NRIP1: variants seen among roughly 807,000 people sequenced by gnomAD.
NRIP1 encodes nuclear receptor interacting protein 1.
Under a neutral mutation model 75.0 loss-of-function variants are expected in NRIP1, and 28 were observed. That is an observed-to-expected ratio of 0.37 (90% CI 0.28 to 0.51). NRIP1 has a LOEUF of 0.51. Among genes scored for constraint, NRIP1 ranks in the 20% least tolerant of loss-of-function variants. The pLI, the probability that NRIP1 is intolerant of heterozygous loss-of-function variation, is 0.92. For missense variants in NRIP1, 1,435 were observed against 1,343.7 expected (o/e 1.07, Z -1.06); for synonymous variants, 526 against 487.6 (o/e 1.08, Z -1.04).
chr21:15,019,879 C>T lies in NRIP1; in HGVS notation c.-457-5413G>A, dbSNP rs112617436. 2.1e-3 allele frequency among the ~76,000 whole-genome samples: 325 copies of T among 152,114 alleles called. 2 individuals are homozygous for T. The highest frequency in any genetic ancestry group is 7.4e-3 in the African/African-American group (306 of 41,496). On this transcript the variant is annotated intron_variant, in intron 2 of 3. Coordinates refer to ENST00000318948, the MANE Select transcript of NRIP1 (RefSeq NM_003489.4). The stretch of plus-strand genomic sequence containing the variant: ...TGGTTTGTTGCCAGTATATAAGAAA[C>T]GCAGCCAGGCACGGTGGCTCACGCC...
intron 2 of NRIP1, among the ~76,000 whole-genome samples, chr21:15,033,050 C>G (rs1341260603): frequency 6.6e-6 from 1 of 151,780 alleles, no homozygotes; most frequent in Non-Finnish European, 1.5e-5. Flanking sequence ...ATGGTGAAAC[C>G]CTGTTTCTAC....
intron 3 of NRIP1, among the ~76,000 whole-genome samples, chr21:15,004,157 TCA>T (rs1183980017): frequency 6.6e-6 from 1 of 152,336 alleles, no homozygotes; most frequent in South Asian, 2.1e-4. Context: ...TAACTTGTTT[TCA>T]CACAGTCCAA....
intron 3 of NRIP1, among the ~76,000 whole-genome samples, chr21:14,999,378 A>C (rs1313646445): frequency 6.6e-6 from 1 of 152,140 alleles, no homozygotes; most frequent in Non-Finnish European, 1.5e-5. Flanking sequence ...TACTGAGTCC[A>C]CATCCATAGG....
At chr21:15,022,699 TAC>T (rs1402606956) in intron 2 of NRIP1, among the ~76,000 whole-genome samples, 2 of 152,190 alleles carry the variant, frequency 1.3e-5, no homozygotes, top group Non-Finnish European at 2.9e-5. Context: ...ACCTTCTTCA[TAC>T]ACTACTGGTG....
At chr21:14,991,925 C>T (rs1046015220) in intron 3 of NRIP1, among the ~76,000 whole-genome samples, 3 of 152,182 alleles carry the variant, frequency 2.0e-5, no homozygotes, top group Non-Finnish European at 2.9e-5. Flanking sequence ...GAAACCTCAT[C>T]CAGAATTAAA....
intron 1 of NRIP1, among the ~76,000 whole-genome samples, chr21:15,048,833 G>C (rs2089142707): frequency 6.6e-6 from 1 of 152,186 alleles, no homozygotes; most frequent in South Asian, 2.1e-4. Context: ...TAGAATGTGT[G>C]TAATTTACCA....
rs61755058 is a variant in NRIP1 at position 14,966,122 on chromosome 21, G to T, written c.2071C>A (p.Pro691Thr). Residue 691 changes from proline (P) to threonine (T), a missense_variant, in exon 4 of 4, where the codon CCA becomes ACA. Pro to Thr is a conservative substitution (Grantham distance 38). Transcript: ENST00000318948. ...VEENKAFSSQ[P>T]TGPEPGLSGS... ...GAAAGCCCTGGTTCAGGACCTGTTG[G>T]TTGACTACTAAATGCTTTATTTTCT... 1 of 1,612,528 alleles carries T rather than the reference G, an allele frequency of 6.2e-7. No homozygotes were observed. Among genetic ancestry groups the T allele is most frequent in the Admixed American group, 1.7e-5 (1 of 59,952 alleles).
rs748590142 is a variant in NRIP1 at position 14,966,951 on chromosome 21, A to T, written c.1242T>A (p.Ile414=). 25 of 1,614,154 alleles carry T rather than the reference A, an allele frequency of 1.5e-5. No homozygotes were observed. The highest frequency in any genetic ancestry group is 1.9e-5 in the Non-Finnish European group (23 of 1,180,012). The change falls in exon 4 of 4, where the codon ATT becomes ATA. Residue 414 remains isoleucine (I), a synonymous_variant. Coordinates refer to ENST00000318948, the MANE Select transcript of NRIP1 (RefSeq NM_003489.4). ...IFEESSTPTT[I]DEYSDNNPSF... ...TAGGATTGTTATCTGAATATTCATC[A>T]ATAGTTGTAGGTGTACTACTTTCCT... is the stretch of plus-strand genomic sequence containing the variant.
intron 1 of NRIP1, among the ~76,000 whole-genome samples, chr21:15,063,068 G>A (rs1014267126): frequency 6.6e-6 from 1 of 151,902 alleles, no homozygotes; most frequent in Non-Finnish European, 1.5e-5. Flanking sequence ...CACTCCTAGG[G>A]CACTTTTAAA....
At chr21:14,986,998 A>C (rs992188466) in intron 3 of NRIP1, among the ~76,000 whole-genome samples, 3 of 152,218 alleles carry the variant, frequency 2.0e-5, no homozygotes, top group African/African-American at 7.2e-5. Context: ...TCATCTGCCT[A>C]ATCAATCATC....
chr21:15,045,224 C>T (rs749693338), intron 1 of NRIP1, among the ~76,000 whole-genome samples: 99 of 152,086 alleles, frequency 6.5e-4, no homozygotes, highest in Non-Finnish European at 4.4e-4. Context: ...CGCTGTCTGA[C>T]GTCCTATACC....
At chr21:15,027,239 T>G (rs750954694) in intron 2 of NRIP1, among the ~76,000 whole-genome samples, 9 of 152,204 alleles carry the variant, frequency 5.9e-5, no homozygotes, top group Non-Finnish European at 1.3e-4. Flanking sequence ...ATCGACAGAT[T>G]CAGCTGTGGT....
intron 3 of NRIP1, among the ~76,000 whole-genome samples, chr21:15,009,723 G>A (rs1220726783): frequency 6.6e-6 from 1 of 152,096 alleles, no homozygotes; most frequent in Non-Finnish European, 1.5e-5. Flanking sequence ...TGCCAGTAAT[G>A]ACAAACTTTT....
intron 3 of NRIP1, among the ~76,000 whole-genome samples, chr21:14,984,984 T>C (rs537809304): frequency 2.0e-5 from 3 of 152,358 alleles, no homozygotes; most frequent in Admixed American, 6.5e-5. Context: ...GTAACTTTTA[T>C]ATGGACTGAA....
At chr21:14,987,564 T>C (rs1013538199) in intron 3 of NRIP1, among the ~76,000 whole-genome samples, 2 of 152,186 alleles carry the variant, frequency 1.3e-5, no homozygotes, top group South Asian at 2.1e-4. Flanking sequence ...AAGACAAATG[T>C]TCCTGGGGCC....
At position 14,982,598 on chromosome 21, in the gene NRIP1, C is replaced by T. The variant is rs148355409; in HGVS notation, c.-334-14072G>A. Reference sequence around the variant, plus strand: ...GTAGTTGTTCCTCTCTGTGACTCCACGGCACTCAGTAGATCTTTCAATCAT... The same window carrying T: ...GTAGTTGTTCCTCTCTGTGACTCCATGGCACTCAGTAGATCTTTCAATCAT... On this transcript the variant is annotated intron_variant, in intron 3 of 3. Transcript: ENST00000318948. Among the ~76,000 whole-genome samples, 180 of 152,236 alleles carry T rather than the reference C, an allele frequency of 1.2e-3. 1 individual carries two copies. Among genetic ancestry groups the T allele is most frequent in the African/African-American group, 4.2e-3 (176 of 41,546 alleles).
At chr21:15,016,011 C>T (rs574533096) in intron 2 of NRIP1, among the ~76,000 whole-genome samples, 1 of 152,306 alleles carries the variant, frequency 6.6e-6, no homozygotes, top group Admixed American at 6.5e-5. Context: ...CAGCACCCTA[C>T]TAAATAGCTG....
chr21:14,975,872 T>C (rs554252630), intron 3 of NRIP1, among the ~76,000 whole-genome samples: 25 of 151,898 alleles, frequency 1.6e-4, no homozygotes, highest in Non-Finnish European at 3.4e-4. Context: ...ACAGAAAAAA[T>C]AAGATCACTA....
At chr21:15,058,768 G>C (rs1483526669) in intron 1 of NRIP1, among the ~76,000 whole-genome samples, 3 of 152,132 alleles carry the variant, frequency 2.0e-5, no homozygotes, top group Non-Finnish European at 4.4e-5. Flanking sequence ...CACATGTTAT[G>C]AAGAGTATAG....
Sources: gnomAD v4.1 joint callset for allele counts (sites outside exome capture counted in the v4.1 genomes callset) on GRCh38, gnomAD v4.1.1 for gene constraint, MANE v1.5 for transcripts, NCBI Gene and HGNC (gene_info 2026-07-23, HGNC 2026-07-21) for gene names.